ITGA8: variants seen among roughly 807,000 people sequenced by gnomAD.
The protein encoded by ITGA8 is integrin subunit alpha 8.
ITGA8 carries 91 observed loss-of-function variants against 142.3 expected under a neutral mutation model. The observed-to-expected ratio is 0.64, with a 90% CI of 0.54 to 0.76. ITGA8 has a LOEUF of 0.76. Among genes scored for constraint, ITGA8 ranks in the 30% least tolerant of loss-of-function variants. The pLI, the probability that ITGA8 is intolerant of heterozygous loss-of-function variation, is 0.00. For synonymous variants in ITGA8, 505 were observed against 485.2 expected, an observed-to-expected ratio of 1.04 and a Z score of -0.54; for missense variants, 1,406 against 1,327.7, an observed-to-expected ratio of 1.06 and a Z score of -0.92.
intron 13 of ITGA8, among the ~76,000 whole-genome samples, chr10:15,622,021 G>T (rs956492317): frequency 1.3e-5 from 2 of 152,168 alleles, no homozygotes; most frequent in Non-Finnish European, 2.9e-5. Flanking sequence ...AGCCAGGCAT[G>T]ATGGTGCATG....
intron 13 of ITGA8, among the ~76,000 whole-genome samples, chr10:15,624,043 A>C (rs907816430): frequency 6.6e-6 from 1 of 152,052 alleles, no homozygotes; most frequent in Non-Finnish European, 1.5e-5. Flanking sequence ...GTAGTATTCC[A>C]CTGTGTAGAT....
At chr10:15,669,338 C>T (rs887384330) in intron 8 of ITGA8, among the ~76,000 whole-genome samples, 13 of 152,338 alleles carry the variant, frequency 8.5e-5, no homozygotes, top group South Asian at 6.2e-4. Flanking sequence ...GCATTTGTCA[C>T]GTGGCTCTCG....
intron 28 of ITGA8, among the ~76,000 whole-genome samples, chr10:15,525,170 G>A (rs957958195): frequency 6.6e-6 from 1 of 151,882 alleles, no homozygotes; most frequent in South Asian, 2.1e-4. Context: ...CACCATGCCT[G>A]GTGGTTTGAT....
Position 15,604,350 on chromosome 10 carries a change from T to C in ITGA8, c.1976A>G (p.Lys659Arg), listed in dbSNP as rs750073213. The C allele has an allele frequency of 1.2e-6, 2 of 1,606,934 alleles. No individual in the cohort carries two copies. Among genetic ancestry groups the C allele is most frequent in the South Asian group, 1.1e-5 (1 of 89,346 alleles). ...TTCATCTCCAATGATTACCTGATGCTTATCTCTAAAAATGCAGTTTAAAAA... is the reference window on the plus strand; with the variant it reads ...TTCATCTCCAATGATTACCTGATGCCTATCTCTAAAAATGCAGTTTAAAAA... ...PDLKLSARPD[K>R]HQVIIGDENH... Residue 659 changes from lysine to arginine, a missense_variant, in exon 20 of 30, where the codon AAG (lysine) becomes AGG (arginine). Transcript: ENST00000378076.
chr10:15,648,005 A>G (rs994681653), intron 11 of ITGA8, among the ~76,000 whole-genome samples: 2 of 152,222 alleles, frequency 1.3e-5, no homozygotes, highest in African/African-American at 4.8e-5. Flanking sequence ...AATTATTTAG[A>G]GATAAAGATA....
At chr10:15,605,666 A>T in intron 19 of ITGA8, 58 bp downstream of exon 19, 1 of 1,381,130 alleles carries the variant, frequency 7.2e-7, no homozygotes, top group Non-Finnish European at 1.0e-6. Flanking sequence ...GAGAACCTTT[A>T]CATAAATACC....
At chr10:15,599,833 A>C (rs567467105) in intron 20 of ITGA8, among the ~76,000 whole-genome samples, 131 of 152,262 alleles carry the variant, frequency 8.6e-4, no homozygotes, top group African/African-American at 3.1e-3. Flanking sequence ...AGGCAGGAGA[A>C]TCGCTTGAAC....
chr10:15,664,033 A>G (rs1834339183), intron 8 of ITGA8, among the ~76,000 whole-genome samples: 1 of 152,222 alleles, frequency 6.6e-6, no homozygotes, highest in Admixed American at 6.5e-5. Flanking sequence ...GTAACAGCCA[A>G]CAGCACTTTT....
At chr10:15,547,199 A>G (rs766177272) in intron 27 of ITGA8, among the ~76,000 whole-genome samples, 1 of 152,228 alleles carries the variant, frequency 6.6e-6, no homozygotes, top group Non-Finnish European at 1.5e-5. Flanking sequence ...AGGTTGTAAC[A>G]CAGCAGTATC....
intron 8 of ITGA8, among the ~76,000 whole-genome samples, chr10:15,667,679 C>T (rs1309823158): frequency 6.6e-6 from 1 of 151,662 alleles, no homozygotes; most frequent in Admixed American, 6.6e-5. Flanking sequence ...TCCCTCTACA[C>T]ACTGCTTTGA....
intron 13 of ITGA8, among the ~76,000 whole-genome samples, chr10:15,641,143 T>C (rs1564387142): frequency 6.6e-6 from 1 of 152,100 alleles, no homozygotes; most frequent in Non-Finnish European, 1.5e-5. Context: ...AACCTCTGCC[T>C]CCTGGGTTCA....
intron 4 of ITGA8, among the ~76,000 whole-genome samples, chr10:15,683,680 G>A (rs983382137): frequency 6.6e-6 from 1 of 152,194 alleles, no homozygotes; most frequent in African/African-American, 2.4e-5. Flanking sequence ...AAATAAAGTG[G>A]GCAGTCAGCA....
intron 23 of ITGA8, among the ~76,000 whole-genome samples, chr10:15,580,919 G>C (rs962184697): frequency 6.6e-6 from 1 of 152,150 alleles, no homozygotes; most frequent in Non-Finnish European, 1.5e-5. Flanking sequence ...GGTGGTTCTA[G>C]TCTATGCAAT....
chr10:15,703,174 T>C (rs1181736366), intron 2 of ITGA8, among the ~76,000 whole-genome samples: 2 of 152,228 alleles, frequency 1.3e-5, no homozygotes, highest in Non-Finnish European at 2.9e-5. Flanking sequence ...GGGCTTGTAA[T>C]AGCAACAGTA....
chr10:15,636,411 A>T (rs2131638713), intron 13 of ITGA8, among the ~76,000 whole-genome samples: 1 of 152,324 alleles, frequency 6.6e-6, no homozygotes, highest in Middle Eastern at 3.4e-3. Context: ...GAAAGTACTT[A>T]TGACTCTATG....
intron 8 of ITGA8, among the ~76,000 whole-genome samples, chr10:15,663,018 A>G (rs12783536): frequency 2.0e-5 from 3 of 152,108 alleles, no homozygotes; most frequent in Non-Finnish European, 4.4e-5. Flanking sequence ...ACAATTAAAT[A>G]TTGTATGTAA....
intron 22 of ITGA8, among the ~76,000 whole-genome samples, chr10:15,590,891 A>G (rs1011168115): frequency 1.3e-5 from 2 of 152,210 alleles, no homozygotes; most frequent in African/African-American, 2.4e-5. Flanking sequence ...CATTAAGGTC[A>G]GAAATGAACA....
intron 23 of ITGA8, among the ~76,000 whole-genome samples, chr10:15,584,791 G>T (rs537726305): frequency 6.6e-6 from 1 of 152,108 alleles, no homozygotes; most frequent in Non-Finnish European, 1.5e-5. Flanking sequence ...GGTGGCTAAG[G>T]CCTGTAATAA....
In ITGA8 at chr10:15,714,898, CTTCATTGAAAGGTCAAAT is replaced by C. The variant is rs1835423173; in HGVS notation, c.343+3850_343+3867del. ...CAGGGACCTGAACAAGTTGAAACAA[CTTCATTGAAAGGTCAAAT>C]TTACTTAGGATGTCTTGAATTCAGA... On this transcript the variant is annotated intron_variant, in intron 2 of 29. Transcript: ENST00000378076. 3.3e-5 allele frequency among the ~76,000 whole-genome samples: 5 copies of C among 152,228 alleles called. No individual in the cohort carries two copies. In the South Asian group the frequency reaches 1.0e-3, roughly 32 times the overall value.
Sources: gnomAD v4.1 joint callset for allele counts (sites outside exome capture counted in the v4.1 genomes callset) on GRCh38, gnomAD v4.1.1 for gene constraint, MANE v1.5 for transcripts, NCBI Gene and HGNC (gene_info 2026-07-23, HGNC 2026-07-21) for gene names.